The following SAMD4B variants were observed in gnomAD, a reference collection of about 807,000 sequenced individuals.
SAMD4B encodes sterile alpha motif domain containing 4B, also known as protein Smaug homolog 2.
Under a neutral mutation model 74.5 loss-of-function variants are expected in SAMD4B, and 5 were observed. The observed-to-expected ratio is 0.07, with a 90% CI of 0.04 to 0.14. SAMD4B has a LOEUF of 0.14. Among genes scored for constraint, SAMD4B ranks in the 10% least tolerant of loss-of-function variants. The pLI is 1.00. For synonymous variants in SAMD4B, 373 were observed against 374.9 expected, an observed-to-expected ratio of 1.00 and a Z score of 0.06; for missense variants, 608 against 921.8, an observed-to-expected ratio of 0.66 and a Z score of 4.41.
chr19:39,345,750 A>G (rs994054187), intron 1 of SAMD4B, among the ~76,000 whole-genome samples: 11 of 152,186 alleles, frequency 7.2e-5, no homozygotes, highest in Non-Finnish European at 1.3e-4. Flanking sequence ...GTTATTGGAA[A>G]TCACTGGAGA....
chr19:39,383,534 CCA>C lies in SAMD4B; in HGVS notation c.*10_*11del. The C allele has an allele frequency of 6.2e-7, 1 of 1,614,250 alleles. No homozygotes were observed. The highest frequency in any genetic ancestry group is 1.7e-5 in the Admixed American group (1 of 60,036). On this transcript the variant is annotated 3_prime_UTR_variant, in exon 14 of 14. Coordinates refer to ENST00000610417, the MANE Select transcript of SAMD4B (RefSeq NM_001384574.2). The surrounding 1 kb of genome is among the most constrained non-coding windows in gnomAD (Gnocchi z 4.1). ...CAAAACCTCCACCATCTGACGGGACCCACAGCCCAGCGCACCCATAGGCTCCC... is the reference window on the plus strand; with the variant it reads ...CAAAACCTCCACCATCTGACGGGACCCAGCCCAGCGCACCCATAGGCTCCC...
rs1600596098 is a variant in SAMD4B, at chr19:39,383,468, TCTTCCTCC to T, written c.2057-19_2057-12del. 2 of 1,611,828 alleles carry T rather than the reference TCTTCCTCC, an allele frequency of 1.2e-6. No homozygotes were observed. Among genetic ancestry groups the T allele is most frequent in the Non-Finnish European group, 8.5e-7 (1 of 1,177,890 alleles). On this transcript the variant is annotated intron_variant, in intron 13 of 13. Transcript: ENST00000610417. The surrounding 1 kb of genome is among the most constrained non-coding windows in gnomAD (Gnocchi z 4.1). ...TCTTGGGCCTCCCTCCAGCTCCTGA[TCTTCCTCC>T]CTTCCTCCCTTTCTTACCACAGATG...
downstream of SAMD4B, chr19:39,389,622 C>G (rs1406585336): frequency 5.6e-6 from 9 of 1,614,098 alleles, no homozygotes; most frequent in African/African-American, 1.3e-5. This position sits in a 1 kb window ranked among gnomAD's most constrained non-coding sequence, Gnocchi z 5.3. Flanking sequence ...AGCAGACCCT[C>G]CCTGTCTCCC....
At chr19:39,386,309 G>C, downstream of SAMD4B, 4 of 1,614,022 alleles carry the variant, frequency 2.5e-6, no homozygotes, top group Non-Finnish European at 3.4e-6. This position sits in a 1 kb window ranked among gnomAD's most constrained non-coding sequence, Gnocchi z 6.1. Flanking sequence ...CACTGGCCTC[G>C]TCCCTGTCAC....
downstream of SAMD4B, chr19:39,386,818 GGA>G (rs2078261302): frequency 2.6e-6 from 4 of 1,559,400 alleles, no homozygotes; most frequent in Admixed American, 3.3e-5. This position sits in a 1 kb window ranked among gnomAD's most constrained non-coding sequence, Gnocchi z 6.1. Context: ...GGTGAATTTG[GGA>G]GAGAGAAGTG....
In SAMD4B at chr19:39,383,528, C is replaced by T. The variant is rs372726169; in HGVS notation, c.*1C>T. 2.1e-5 allele frequency: 34 copies of T among 1,614,210 alleles called. No homozygotes were observed. The highest frequency in any genetic ancestry group is 8.8e-5 in the South Asian group (8 of 91,082). On this transcript the variant is annotated 3_prime_UTR_variant, in exon 14 of 14. Coordinates refer to ENST00000610417, the MANE Select transcript of SAMD4B (RefSeq NM_001384574.2). This position sits in a 1 kb window ranked among gnomAD's most constrained non-coding sequence, Gnocchi z 4.1. ...GACAGACAAAACCTCCACCATCTGA[C>T]GGGACCCACAGCCCAGCGCACCCAT...
At chr19:39,386,127 T>C (rs1256666239), downstream of SAMD4B, 16 of 1,613,988 alleles carry the variant, frequency 9.9e-6, no homozygotes, top group African/African-American at 5.3e-5. This position sits in a 1 kb window ranked among gnomAD's most constrained non-coding sequence, Gnocchi z 6.1. Flanking sequence ...GCCACCCCCA[T>C]TGCTGCCGCT....
At chr19:39,352,860 C>T (rs1000143167) in intron 1 of SAMD4B, among the ~76,000 whole-genome samples, 8 of 150,474 alleles carry the variant, frequency 5.3e-5, no homozygotes, top group Non-Finnish European at 7.4e-5. Flanking sequence ...TGGATTTGGT[C>T]GTTTTTTTGC....
At chr19:39,368,045 T>C (rs1301764552) in intron 3 of SAMD4B, among the ~76,000 whole-genome samples, 1 of 151,556 alleles carries the variant, frequency 6.6e-6, no homozygotes, top group Non-Finnish European at 1.5e-5. Context: ...AAACCCTGTC[T>C]CTACTAAAAA....
downstream of SAMD4B, chr19:39,386,516 CTCCTCT>C (rs779986893): frequency 1.9e-6 from 3 of 1,614,234 alleles, no homozygotes; most frequent in Non-Finnish European, 1.7e-6. The surrounding 1 kb of genome is among the most constrained non-coding windows in gnomAD (Gnocchi z 6.1). Context: ...CTGTCTCCAT[CTCCTCT>C]TCCTCTTCCT....
downstream of SAMD4B, chr19:39,389,555 G>C (rs1228856319): frequency 6.2e-7 from 1 of 1,614,184 alleles, no homozygotes. The surrounding 1 kb of genome is among the most constrained non-coding windows in gnomAD (Gnocchi z 5.3). Flanking sequence ...AACTAGAGGA[G>C]AGCGGGGGGC....
At chr19:39,360,998 C>T (rs1235309664) in intron 3 of SAMD4B, among the ~76,000 whole-genome samples, 3 of 152,066 alleles carry the variant, frequency 2.0e-5, no homozygotes, top group Admixed American at 1.3e-4. Context: ...ATCCAGCTCT[C>T]CACTAACACC....
At chr19:39,376,073 A>G (rs891886938) in intron 5 of SAMD4B, among the ~76,000 whole-genome samples, 184 bp downstream of exon 5, 1 of 152,088 alleles carries the variant, frequency 6.6e-6, no homozygotes, top group Non-Finnish European at 1.5e-5. Context: ...CTACCCTAAC[A>G]AGTTCTAGTC....
chr19:39,359,612 C>T lies in SAMD4B; in HGVS notation c.196+2523C>T, dbSNP rs568004357. Among the ~76,000 whole-genome samples the T allele has an allele frequency of 2.0e-5, 3 of 152,306 alleles. No homozygotes were observed. The East Asian group carries it at 5.8e-4, about 29-fold the overall frequency. On this transcript the variant is annotated intron_variant, in intron 3 of 13. Transcript: ENST00000610417. ...TCTCGTTAAGTATTTATTTACACCTCACAACAACTCTGTACTCCCCTGTTA... is the reference window on the plus strand; with the variant it reads ...TCTCGTTAAGTATTTATTTACACCTTACAACAACTCTGTACTCCCCTGTTA...
intron 11 of SAMD4B, 37 bp downstream of exon 11, chr19:39,380,822 G>C: frequency 6.6e-7 from 1 of 1,512,582 alleles, no homozygotes; most frequent in South Asian, 1.3e-5. Context: ...GCCTCCTGGG[G>C]TTGGGGTGGC....
At chr19:39,353,670 C>T (rs994854798) in intron 1 of SAMD4B, among the ~76,000 whole-genome samples, 5 of 152,120 alleles carry the variant, frequency 3.3e-5, no homozygotes, top group East Asian at 1.9e-4. Flanking sequence ...GGCATAATCT[C>T]GGCTCACTGC....
downstream of SAMD4B, chr19:39,389,830 G>A: frequency 6.2e-7 from 1 of 1,601,744 alleles, no homozygotes; most frequent in Non-Finnish European, 8.5e-7. The surrounding 1 kb of genome is among the most constrained non-coding windows in gnomAD (Gnocchi z 5.3). Flanking sequence ...GCTTCCCAGA[G>A]GCGGAGCTTC....
chr19:39,380,268 A>G (rs967977806), intron 10 of SAMD4B, among the ~76,000 whole-genome samples, 184 bp downstream of exon 10: 1 of 152,246 alleles, frequency 6.6e-6, no homozygotes, highest in Non-Finnish European at 1.5e-5. Flanking sequence ...CACATGTCCC[A>G]TGAGCAGGCC....
rs998390218 is a variant in SAMD4B, at chr19:39,375,532, C to T, written c.668-118C>T. On this transcript the variant is annotated intron_variant, in intron 4 of 13. Transcript: ENST00000610417. The surrounding 1 kb of genome is among the most constrained non-coding windows in gnomAD (Gnocchi z 4.1). ...AGGCAGTTACCCTTGGACCCCAGGT[C>T]CCTTCCTCTTGGCAGGTTATGGGGC... is the stretch of plus-strand genomic sequence containing the variant. The T allele has an allele frequency of 7.5e-7, 1 of 1,327,090 alleles. No individual in the cohort carries two copies. The highest frequency in any genetic ancestry group is 1.0e-6 in the Non-Finnish European group (1 of 958,524). 82.2% of individuals were successfully genotyped at this position (1,327,090 alleles called of 1,614,324 possible). A position where few individuals can be genotyped will look rare whatever the true frequency, so the allele number is the denominator to read the frequency against.
Sources: allele counts gnomAD v4.1 joint callset (sites outside exome capture counted in the v4.1 genomes callset), GRCh38; gene constraint gnomAD v4.1.1; non-coding constraint Gnocchi (gnomAD v3.1); transcripts MANE v1.5; gene names NCBI Gene and HGNC (gene_info 2026-07-23, HGNC 2026-07-21).